M1AP: variants seen among roughly 807,000 people sequenced by gnomAD.
M1AP encodes the protein meiosis 1 associated protein, also known as meiosis 1 arrest protein.
In M1AP, 39 loss-of-function variants were observed where a neutral mutation model predicts 51.2. That is an observed-to-expected ratio of 0.76 (90% CI 0.59 to 1.00). M1AP has a LOEUF of 1.00. Ranked by LOEUF, M1AP falls within the 50% of genes least tolerant of loss-of-function variation. The pLI, the probability that M1AP is intolerant of heterozygous loss-of-function variation, is 0.00. For missense variants in M1AP, 545 were observed against 641.2 expected, an observed-to-expected ratio of 0.85 and a Z score of 1.62; for synonymous variants, 251 against 249.2, an observed-to-expected ratio of 1.01 and a Z score of -0.07.
chr2:74,569,175 C>T (rs1678566687), intron 7 of M1AP, among the ~76,000 whole-genome samples: 1 of 152,040 alleles, frequency 6.6e-6, no homozygotes, highest in Non-Finnish European at 1.5e-5. Flanking sequence ...TTAGAATCTA[C>T]AAAAATGAAA....
At chr2:74,639,739 G>A (rs925769451) in intron 2 of M1AP, among the ~76,000 whole-genome samples, 1 of 152,184 alleles carries the variant, frequency 6.6e-6, no homozygotes, top group Non-Finnish European at 1.5e-5. Context: ...CATAAAAGGA[G>A]TCAGTTGTTT....
intron 3 of M1AP, among the ~76,000 whole-genome samples, chr2:74,613,929 T>C (rs1377394842): frequency 6.6e-6 from 1 of 152,136 alleles, no homozygotes; most frequent in Non-Finnish European, 1.5e-5. Context: ...GCTAGGACTA[T>C]AGGTGCACAC....
At chr2:74,583,850 C>T (rs575820336) in intron 4 of M1AP, among the ~76,000 whole-genome samples, 2 of 152,296 alleles carry the variant, frequency 1.3e-5, no homozygotes, top group South Asian at 2.1e-4. Flanking sequence ...TATTTAACAA[C>T]TTATCCTGCA....
At chr2:74,619,172 A>C in intron 2 of M1AP, 1 of 240,654 alleles carries the variant, frequency 4.2e-6, no homozygotes. Context: ...CCTCCTACCC[A>C]CCAAAAGTCA....
intron 6 of M1AP, among the ~76,000 whole-genome samples, chr2:74,576,055 A>T (rs991372201): frequency 6.6e-6 from 1 of 152,178 alleles, no homozygotes; most frequent in African/African-American, 2.4e-5. Flanking sequence ...TCCTGGAAGA[A>T]GGAATTCTAG....
At chr2:74,612,607 G>A (rs548544726) in intron 3 of M1AP, among the ~76,000 whole-genome samples, 10 of 152,142 alleles carry the variant, frequency 6.6e-5, no homozygotes, top group East Asian at 1.9e-4. Context: ...TGCAATGCTA[G>A]GTTGTTTATT....
intron 4 of M1AP, among the ~76,000 whole-genome samples, chr2:74,586,685 C>T (rs1390421782): frequency 6.6e-6 from 1 of 151,970 alleles, no homozygotes; most frequent in Non-Finnish European, 1.5e-5. Flanking sequence ...AATGGAAAGA[C>T]CAGGGTTTGA....
At chr2:74,561,908 G>A (rs1190160793) in intron 8 of M1AP, 1 of 985,236 alleles carries the variant, frequency 1.0e-6, no homozygotes, top group Non-Finnish European at 1.2e-6. Flanking sequence ...CCGTGTGCAT[G>A]TCGTGTGTCC....
At chr2:74,609,828 A>G (rs1573139884) in intron 3 of M1AP, among the ~76,000 whole-genome samples, 1 of 152,146 alleles carries the variant, frequency 6.6e-6, no homozygotes, top group African/African-American at 2.4e-5. Context: ...GCATTTTTGC[A>G]CCTGCCTGTG....
chr2:74,647,317 TTC>T, intron 1 of M1AP: 1 of 985,378 alleles, frequency 1.0e-6, no homozygotes, highest in Non-Finnish European at 1.2e-6. Flanking sequence ...TCTGCGGATG[TTC>T]TGTTCCGTGC....
At chr2:74,636,393 A>G in intron 2 of M1AP, among the ~76,000 whole-genome samples, 1 of 152,102 alleles carries the variant, frequency 6.6e-6, no homozygotes, top group Admixed American at 6.5e-5. Context: ...TGGGTCATTT[A>G]AAAAATCAAC....
intron 4 of M1AP, among the ~76,000 whole-genome samples, chr2:74,598,295 T>C (rs895890766): frequency 2.6e-5 from 4 of 152,130 alleles, no homozygotes; most frequent in African/African-American, 7.2e-5. Flanking sequence ...GGCAGGAGCA[T>C]GGCTCGAGCC....
intron 4 of M1AP, among the ~76,000 whole-genome samples, chr2:74,585,749 G>A (rs1267879386): frequency 6.6e-6 from 1 of 152,160 alleles, no homozygotes; most frequent in African/African-American, 2.4e-5. Context: ...AGAGACTTAT[G>A]TGTAAACCAG....
chr2:74,618,654 G>C (rs1393629286), intron 2 of M1AP, among the ~76,000 whole-genome samples: 1 of 152,206 alleles, frequency 6.6e-6, no homozygotes, highest in African/African-American at 2.4e-5. Flanking sequence ...CAGCTGGATT[G>C]ATGTCATGTT....
chr2:74,582,117 T>TA (rs1200649038), intron 4 of M1AP, among the ~76,000 whole-genome samples: 1 of 152,200 alleles, frequency 6.6e-6, no homozygotes, highest in Non-Finnish European at 1.5e-5. Flanking sequence ...AACTTTTTTT[T>TA]AGAGATGAGG....
intron 7 of M1AP, among the ~76,000 whole-genome samples, chr2:74,569,906 A>ATG (rs1249701587): frequency 1.3e-4 from 18 of 142,720 alleles, no homozygotes; most frequent in African/African-American, 4.5e-4. Context: ...GTGTGTGTGC[A>ATG]TGCGTGTGTG....
chr2:74,620,413 A>C (rs1212390773), intron 2 of M1AP, among the ~76,000 whole-genome samples: 1 of 152,218 alleles, frequency 6.6e-6, no homozygotes, highest in East Asian at 1.9e-4. Context: ...GGTGGAGAGC[A>C]TTAAATGACC....
At chr2:74,590,976 C>T (rs546901413) in intron 4 of M1AP, among the ~76,000 whole-genome samples, 1 of 152,322 alleles carries the variant, frequency 6.6e-6, no homozygotes, top group African/African-American at 2.4e-5. Flanking sequence ...TTAGGCCAGT[C>T]ACTTCATCTC....
chr2:74,564,710 G>A (rs1381551589), intron 7 of M1AP, among the ~76,000 whole-genome samples: 1 of 152,152 alleles, frequency 6.6e-6, no homozygotes, highest in African/African-American at 2.4e-5. Context: ...AAATCATGGT[G>A]TGTGTGTATG....
Sources: gnomAD v4.1 joint callset for allele counts (sites outside exome capture counted in the v4.1 genomes callset) on GRCh38, gnomAD v4.1.1 for gene constraint, MANE v1.5 for transcripts, NCBI Gene and HGNC (gene_info 2026-07-23, HGNC 2026-07-21) for gene names.